CASD1: variants seen among roughly 807,000 people sequenced by gnomAD.
CASD1 encodes the protein CAS1 domain sialic acid O acetyltransferase 1.
A neutral mutation model predicts 100.0 loss-of-function variants in CASD1; 41 were observed. The ratio of observed to expected loss-of-function variants is 0.41; its 90% CI spans 0.32 to 0.53. CASD1 has a LOEUF of 0.53. Ranked by LOEUF, CASD1 falls within the 20% of genes least tolerant of loss-of-function variation. The pLI is 0.25. For missense variants in CASD1, 774 were observed against 948.7 expected (o/e 0.82, Z 2.42); for synonymous variants, 321 against 315.6 (o/e 1.02, Z -0.18).
chr7:94,561,594 A>G (rs1419854000), downstream of CASD1, among the ~76,000 whole-genome samples: 1 of 152,112 alleles, frequency 6.6e-6, no homozygotes, highest in Non-Finnish European at 1.5e-5. Flanking sequence ...GTGAGAGCAC[A>G]GATTCAATTT....
chr7:94,516,796 C>T (rs562520111), intron 1 of CASD1, among the ~76,000 whole-genome samples: 11 of 152,158 alleles, frequency 7.2e-5, no homozygotes, highest in East Asian at 3.9e-4. Flanking sequence ...TTCCTAGTTA[C>T]GGAACTTTCT....
intron 10 of CASD1, among the ~76,000 whole-genome samples, chr7:94,540,258 G>C (rs1157553640): frequency 6.6e-6 from 1 of 152,126 alleles, no homozygotes; most frequent in Non-Finnish European, 1.5e-5. Flanking sequence ...GGGAACTACT[G>C]AACTGTTTTT....
At chr7:94,627,203 G>A in the CASD1 span, 1 of 151,950 alleles carries the variant, frequency 6.6e-6, no homozygotes, top group Non-Finnish European at 1.5e-5. Context: ...ACAGTACACA[G>A]CTGACTAAAA....
intron 1 of CASD1, among the ~76,000 whole-genome samples, chr7:94,513,771 AT>A (rs1351109276): frequency 6.6e-6 from 1 of 152,232 alleles, no homozygotes; most frequent in Non-Finnish European, 1.5e-5. Context: ...ATAACTGTGG[AT>A]AAATAGATTT....
chr7:94,588,027 A>G, the CASD1 span: 1 of 1,383,864 alleles, frequency 7.2e-7, no homozygotes, highest in Non-Finnish European at 9.3e-7. Context: ...TTCCCTGGCA[A>G]TTAGAACTAG....
chr7:94,595,089 A>C, the CASD1 span, among the ~76,000 whole-genome samples: 5 of 152,102 alleles, frequency 3.3e-5, no homozygotes, highest in Admixed American at 1.3e-4. Flanking sequence ...ACCTAATTTA[A>C]CTTTGTCTCT....
the CASD1 span, among the ~76,000 whole-genome samples, chr7:94,595,251 C>T: frequency 4.6e-5 from 7 of 152,108 alleles, no homozygotes; most frequent in Non-Finnish European, 1.0e-4. Context: ...CATTACATAA[C>T]ATTGTGAGTT....
At chr7:94,588,252 C>T in the CASD1 span, 2 of 1,038,908 alleles carry the variant, frequency 1.9e-6, no homozygotes, top group Non-Finnish European at 2.3e-6. Flanking sequence ...AAAACCAGGC[C>T]AGCCATTTCT....
the CASD1 span, chr7:94,623,393 G>A: frequency 2.5e-6 from 4 of 1,593,576 alleles, no homozygotes; most frequent in South Asian, 4.4e-5. Flanking sequence ...GTTGTAGGCA[G>A]TTATCTATTA....
chr7:94,565,587 T>C, the CASD1 span, among the ~76,000 whole-genome samples: 2 of 152,106 alleles, frequency 1.3e-5, no homozygotes, highest in African/African-American at 4.8e-5. Flanking sequence ...AATTATCACA[T>C]TAGTAAGGAT....
At chr7:94,618,928 G>T in the CASD1 span, 1 of 1,613,798 alleles carries the variant, frequency 6.2e-7, no homozygotes, top group Non-Finnish European at 8.5e-7. Context: ...TCTTAATGAA[G>T]AATTCTGCTT....
chr7:94,544,470 G>A lies in CASD1; in HGVS notation c.1416G>A (p.Gly472=). 1 of 1,613,220 alleles carries A rather than the reference G, an allele frequency of 6.2e-7. No individual in the cohort carries two copies. Among genetic ancestry groups the A allele is most frequent in the Non-Finnish European group, 8.5e-7 (1 of 1,179,490 alleles). Residue 472 remains glycine (G), a synonymous_variant, in exon 11 of 18, where the codon GGG becomes GGA. Transcript: ENST00000297273. ...TTGCTGCATATTTATTTCAGACAGG[G>A]TATGGGCATTTCTCATACTTTTGGA... ...VLVAAYLFQT[G]YGHFSYFWIK...
chr7:94,514,159 G>A (rs186032911), intron 1 of CASD1, among the ~76,000 whole-genome samples: 58 of 152,058 alleles, frequency 3.8e-4, no homozygotes, highest in Admixed American at 1.4e-3. Context: ...AAATGCCAGT[G>A]CTAAATGATA....
chr7:94,588,696 C>T, the CASD1 span: 1 of 1,600,604 alleles, frequency 6.2e-7, no homozygotes, highest in African/African-American at 1.3e-5. Flanking sequence ...CACCTGTAGT[C>T]TGCTGTTGGG....
chr7:94,537,773 A>T lies in CASD1; in HGVS notation c.1145A>T (p.Tyr382Phe). The change falls in exon 9 of 18, where the codon TAT becomes TTT. Residue 382 changes from tyrosine to phenylalanine, a missense_variant. Around this residue, in one of 5 missense-constraint regions of CASD1, gnomAD observed 453 missense variants for 532.6 expected, o/e 0.85. Coordinates refer to ENST00000297273, the MANE Select transcript of CASD1 (RefSeq NM_022900.5). ...CTTGGCCTGATTATGGCATATTTCT[A>T]TATGTGTGACCGTGCAAATCTGTTC... The part of the protein sequence containing the change: ...CKLGLIMAYF[Y>F]MCDRANLFMK... 6.2e-7 allele frequency: 1 copy of T among 1,613,648 alleles called. No individual in the cohort carries two copies. The highest frequency in any genetic ancestry group is 8.5e-7 in the Non-Finnish European group (1 of 1,179,748).
chr7:94,600,724 G>A, the CASD1 span: 1 of 1,613,828 alleles, frequency 6.2e-7, no homozygotes, highest in Non-Finnish European at 8.5e-7. Context: ...CACAGCCAGT[G>A]TAATTAGGAA....
chr7:94,536,344 T>G (rs1795118993), intron 8 of CASD1, among the ~76,000 whole-genome samples: 1 of 152,152 alleles, frequency 6.6e-6, no homozygotes, highest in Non-Finnish European at 1.5e-5. Context: ...GGAAAGGGAT[T>G]TAGGTTAAGT....
At chr7:94,551,590 T>C in intron 15 of CASD1, 112 bp downstream of exon 15, 1 of 434,424 alleles carries the variant, frequency 2.3e-6, no homozygotes, top group Middle Eastern at 7.2e-4. Flanking sequence ...CTTATTTTTC[T>C]TTTTAATATT....
the CASD1 span, chr7:94,600,446 A>G: frequency 1.8e-6 from 1 of 551,164 alleles, no homozygotes; most frequent in Non-Finnish European, 3.2e-6. Flanking sequence ...GAATAAAGTA[A>G]TTATATCCCC....
Sources: allele counts gnomAD v4.1 joint callset (sites outside exome capture counted in the v4.1 genomes callset), GRCh38; gene constraint gnomAD v4.1.1; regional missense constraint gnomAD v4.1.1; transcripts MANE v1.5; gene names NCBI Gene and HGNC (gene_info 2026-07-23, HGNC 2026-07-21).